Variants in KSR1 observed in about 807,000 individuals in gnomAD.
KSR1 encodes kinase suppressor of ras.
KSR1 carries 35 observed loss-of-function variants against 92.9 expected under a neutral mutation model. The ratio of observed to expected loss-of-function variants is 0.38; its 90% CI spans 0.29 to 0.50. KSR1 has a LOEUF of 0.50. Among genes scored for constraint, KSR1 ranks in the 20% least tolerant of loss-of-function variants. KSR1 has a pLI of 0.94. For synonymous variants in KSR1, 467 were observed against 472.6 expected (o/e 0.99, Z 0.15); for missense variants, 972 against 1,158.5 (o/e 0.84, Z 2.34).
At chr17:27,511,144 G>A (rs1018322904) in intron 1 of KSR1, among the ~76,000 whole-genome samples, 9 of 152,228 alleles carry the variant, frequency 5.9e-5, no homozygotes, top group Non-Finnish European at 8.8e-5. Flanking sequence ...AGAAGGGTGA[G>A]GAGTTTCCTG....
At chr17:27,616,698 A>G (rs1033336792) in intron 18 of KSR1, among the ~76,000 whole-genome samples, 1 of 152,184 alleles carries the variant, frequency 6.6e-6, no homozygotes, top group African/African-American at 2.4e-5. Context: ...CTTTCCTCAC[A>G]GGCAGCTCTG....
At chr17:27,619,079 C>T (rs1431622097) in intron 19 of KSR1, among the ~76,000 whole-genome samples, 4 of 152,118 alleles carry the variant, frequency 2.6e-5, no homozygotes, top group Non-Finnish European at 5.9e-5. Context: ...TAAAGTGGAG[C>T]TGCTCTTGAT....
intron 3 of KSR1, chr17:27,579,910 A>AAG (rs2072677710): frequency 6.7e-6 from 1 of 149,908 alleles, no homozygotes; most frequent in Non-Finnish European, 1.5e-5. Context: ...AAAAAAAAAA[A>AAG]AGTGAGTGAA....
At chr17:27,513,618 C>T (rs542798808) in intron 1 of KSR1, among the ~76,000 whole-genome samples, 1 of 152,252 alleles carries the variant, frequency 6.6e-6, no homozygotes, top group African/African-American at 2.4e-5. Flanking sequence ...CTGCTGGGAC[C>T]CCAGGGAAGC....
At chr17:27,601,467 G>A (rs1460994802) in intron 11 of KSR1, 66 bp downstream of exon 11, 1 of 1,408,872 alleles carries the variant, frequency 7.1e-7, no homozygotes, top group South Asian at 1.2e-5. Context: ...GCCCACCTGG[G>A]CAGGGCGCCC....
At position 27,625,271 on chromosome 17, in the gene KSR1, A is replaced by G. The variant is rs1226845930; in HGVS notation, c.*1879A>G. 1 of 152,316 alleles carries G rather than the reference A, an allele frequency of 6.6e-6. No individual in the cohort carries two copies. Among genetic ancestry groups the G allele is most frequent in the African/African-American group, 2.4e-5 (1 of 41,478 alleles). The allele number at this position is 152,316 out of a possible 1,614,324, so 9.4% of individuals were successfully genotyped here. ...GCTCAGCCGTCCAACTGGGAGGAAC[A>G]GTAGGCTCAGTTCCTCCCTGACCCC... On this transcript the variant is annotated 3_prime_UTR_variant, in exon 21 of 21. Coordinates refer to ENST00000644974, the MANE Select transcript of KSR1 (RefSeq NM_001394583.1).
intron 18 of KSR1, among the ~76,000 whole-genome samples, chr17:27,614,562 G>T (rs1373145891): frequency 2.6e-5 from 4 of 152,186 alleles, no homozygotes; most frequent in African/African-American, 9.7e-5. Flanking sequence ...GGAATCATCT[G>T]GGAGCTTTAT....
intron 1 of KSR1, among the ~76,000 whole-genome samples, chr17:27,517,453 G>C (rs1257089155): frequency 6.6e-6 from 1 of 152,044 alleles, no homozygotes; most frequent in African/African-American, 2.4e-5. Flanking sequence ...ACCATGCCTG[G>C]CTAATTTTAT....
rs1002651391 is a variant in KSR1 at position 27,623,949 on chromosome 17, A to ATTT, written c.*557_*558insTTT. On this transcript the variant is annotated 3_prime_UTR_variant, in exon 21 of 21. Transcript: ENST00000644974. ...GCCCCTTCCTCGTCTTGCAGAGGAA[A>ATTT]CCCTGGCTAGGAACTGAGCTAGTTT... 7.3e-5 allele frequency: 19 copies of ATTT among 259,566 alleles called. No individual in the cohort carries two copies. The highest frequency in any genetic ancestry group is 4.0e-4 in the African/African-American group (18 of 45,264). The allele number at this position is 259,566 out of a possible 1,614,324, so 16.1% of individuals were successfully genotyped here.
intron 1 of KSR1, among the ~76,000 whole-genome samples, chr17:27,473,110 C>T (rs892398103): frequency 2.0e-5 from 3 of 152,192 alleles, no homozygotes; most frequent in Admixed American, 6.5e-5. Flanking sequence ...CAGCAGTTCT[C>T]TCAGTTAATT....
At chr17:27,540,798 C>T (rs931768114) in intron 1 of KSR1, among the ~76,000 whole-genome samples, 25 of 152,220 alleles carry the variant, frequency 1.6e-4, no homozygotes, top group African/African-American at 5.5e-4. Context: ...GTGCTATGGT[C>T]GCTGCGTGCC....
intron 10 of KSR1, among the ~76,000 whole-genome samples, chr17:27,600,209 C>T (rs987339906): frequency 6.3e-5 from 9 of 142,874 alleles, no homozygotes; most frequent in Non-Finnish European, 8.9e-5. Flanking sequence ...CCAAGGTGGG[C>T]GGATCACCTG....
intron 1 of KSR1, among the ~76,000 whole-genome samples, chr17:27,469,030 T>C (rs1230870137): frequency 6.6e-6 from 1 of 152,204 alleles, no homozygotes; most frequent in African/African-American, 2.4e-5. Context: ...CAGCTAACAT[T>C]GATTAAGCTT....
intron 19 of KSR1, among the ~76,000 whole-genome samples, chr17:27,618,590 C>T (rs2074126881): frequency 6.6e-6 from 1 of 152,212 alleles, no homozygotes; most frequent in East Asian, 1.9e-4. Context: ...TCTGTCACAG[C>T]ATCTCAGCTC....
chr17:27,465,915 G>A (rs760165862), intron 1 of KSR1, among the ~76,000 whole-genome samples: 4 of 152,122 alleles, frequency 2.6e-5, no homozygotes, highest in Non-Finnish European at 5.9e-5. Flanking sequence ...TATCTGGAGA[G>A]CTCCTACCCC....
At position 27,597,438 on chromosome 17, in the gene KSR1, T is replaced by C; in HGVS notation, c.1468+2T>C. The C allele has an allele frequency of 6.3e-7, 1 of 1,599,788 alleles. No individual in the cohort carries two copies. Among genetic ancestry groups the C allele is most frequent in the Non-Finnish European group, 8.5e-7 (1 of 1,171,014 alleles). On this transcript the variant is annotated splice_donor_variant, in intron 10 of 20. Transcript: ENST00000644974. LOFTEE classifies it high-confidence loss of function. ...GGGACAGCAGGTTCAACTTCCCAGG[T>C]ACCACATCTCCAGGCTTTTCTGGGT...
At chr17:27,576,491 C>G (rs1341950618) in intron 2 of KSR1, among the ~76,000 whole-genome samples, 1 of 152,186 alleles carries the variant, frequency 6.6e-6, no homozygotes, top group African/African-American at 2.4e-5. Context: ...AAATATCTTA[C>G]TGTACTGTTC....
At position 27,605,340 on chromosome 17, in the gene KSR1, T is replaced by C. The variant is rs1404926218; in HGVS notation, c.1615-94T>C. 4.0e-6 allele frequency: 6 copies of C among 1,482,280 alleles called. No homozygotes were observed. In the East Asian group the frequency reaches 1.2e-4, roughly 30 times the overall value. The allele number at this position is 1,482,280 out of a possible 1,614,324, so 91.8% of individuals were successfully genotyped here. On this transcript the variant is annotated intron_variant, in intron 13 of 20. Transcript: ENST00000644974. ...TGGGTCCCCTGGCAGGATGCCTCTC[T>C]CCCCTGTTACCTGGCTAGGGCTCCA...
chr17:27,512,213 G>T (rs1418994474), intron 1 of KSR1, among the ~76,000 whole-genome samples: 1 of 152,188 alleles, frequency 6.6e-6, no homozygotes, highest in Non-Finnish European at 1.5e-5. Flanking sequence ...TGGAGAAAAT[G>T]TGTATATCCC....
Sources: allele counts gnomAD v4.1 joint callset (sites outside exome capture counted in the v4.1 genomes callset), GRCh38; gene constraint gnomAD v4.1.1; transcripts MANE v1.5; gene names NCBI Gene and HGNC (gene_info 2026-07-23, HGNC 2026-07-21).